Variants in SYN3 observed in about 807,000 individuals in gnomAD.
SYN3 encodes the protein synapsin-3.
Under a neutral mutation model 65.8 loss-of-function variants are expected in SYN3, and 35 were observed. The observed-to-expected ratio is 0.53, with a 90% CI of 0.41 to 0.70. The LOEUF is 0.70. Among genes scored for constraint, SYN3 ranks in the 30% least tolerant of loss-of-function variants. The probability of loss-of-function intolerance (pLI) is 0.00; values close to 1 mark genes in which losing one functional copy is unlikely to be tolerated. For synonymous variants in SYN3, 270 were observed against 292.9 expected (o/e 0.92, Z 0.80); for missense variants, 680 against 749.0 (o/e 0.91, Z 1.08).
At chr22:32,667,647 A>T (rs954738071) in intron 6 of SYN3, among the ~76,000 whole-genome samples, 1 of 152,138 alleles carries the variant, frequency 6.6e-6, no homozygotes, top group Non-Finnish European at 1.5e-5. Flanking sequence ...ATACTTTAGT[A>T]TGTGTTCATT....
At chr22:32,846,279 T>C (rs1015213247) in intron 6 of SYN3, among the ~76,000 whole-genome samples, 23 of 152,206 alleles carry the variant, frequency 1.5e-4, no homozygotes, top group African/African-American at 5.1e-4. Context: ...ATACTTGTTC[T>C]GACTACTTCA....
intron 6 of SYN3, among the ~76,000 whole-genome samples, chr22:32,740,990 G>T (rs909608034): frequency 1.3e-5 from 2 of 152,158 alleles, no homozygotes; most frequent in Non-Finnish European, 2.9e-5. Flanking sequence ...GAAGGTTTGA[G>T]GCACAGTAGG....
At chr22:32,569,659 C>A (rs192027151) in intron 7 of SYN3, among the ~76,000 whole-genome samples, 1 of 151,652 alleles carries the variant, frequency 6.6e-6, no homozygotes, top group African/African-American at 2.4e-5. Flanking sequence ...ACGAAATACT[C>A]CACAAATGGA....
intron 4 of SYN3, among the ~76,000 whole-genome samples, chr22:32,899,497 C>G (rs185748473): frequency 5.9e-5 from 9 of 152,186 alleles, no homozygotes; most frequent in African/African-American, 1.9e-4. Flanking sequence ...AAAGAAGGAG[C>G]GTGTGTGCAG....
At chr22:33,034,806 C>G (rs958945124) in intron 1 of SYN3, among the ~76,000 whole-genome samples, 1 of 152,176 alleles carries the variant, frequency 6.6e-6, no homozygotes, top group East Asian at 1.9e-4. Flanking sequence ...AGAGGCAAAT[C>G]TTGCCTTTGG....
chr22:32,752,695 C>A (rs1196230303), intron 6 of SYN3, among the ~76,000 whole-genome samples: 2 of 152,172 alleles, frequency 1.3e-5, no homozygotes, highest in Non-Finnish European at 2.9e-5. Context: ...GCAAGCAGCC[C>A]CTGCTCTCGG....
At chr22:32,942,793 C>T (rs558790801) in intron 3 of SYN3, among the ~76,000 whole-genome samples, 10 of 151,992 alleles carry the variant, frequency 6.6e-5, no homozygotes, top group East Asian at 1.9e-4. Flanking sequence ...AACTACGTGA[C>T]GAATGCACTA....
chr22:32,605,588 T>A (rs2059361251), intron 6 of SYN3, among the ~76,000 whole-genome samples: 1 of 152,122 alleles, frequency 6.6e-6, no homozygotes, highest in South Asian at 2.1e-4. Context: ...TACATGGAAA[T>A]AAAGGCAAAG....
At position 32,793,604 on chromosome 22, in the gene SYN3, C is replaced by T. The variant is rs529235395; in HGVS notation, c.711+71311G>A. On this transcript the variant is annotated intron_variant, in intron 6 of 13. Coordinates refer to ENST00000358763, the MANE Select transcript of SYN3 (RefSeq NM_003490.4). ...TCAGGGCCTAGCATGGAGTAACAGA[C>T]ATTCTGCCAATGTTTGGTGAATATT... is the stretch of plus-strand genomic sequence containing the variant. 4.6e-5 allele frequency among the ~76,000 whole-genome samples: 7 copies of T among 152,282 alleles called. No homozygotes were observed. The East Asian group carries it at 1.4e-3, about 29-fold the overall frequency.
intron 1 of SYN3, among the ~76,000 whole-genome samples, chr22:33,017,111 A>C (rs133956): frequency 0.71 from 107,391 of 152,062 alleles, 38,585 homozygotes; most frequent in African/African-American, 0.79. Flanking sequence ...GTCCAACTTC[A>C]CTCCTCTGCC....
intron 6 of SYN3, among the ~76,000 whole-genome samples, chr22:32,682,046 G>C (rs1427468808): frequency 1.3e-5 from 2 of 152,180 alleles, no homozygotes; most frequent in African/African-American, 4.8e-5. Context: ...TGAAGTGAGG[G>C]AGGAGAGGGC....
intron 7 of SYN3, among the ~76,000 whole-genome samples, chr22:32,586,108 G>GTA (rs1389798252): frequency 2.7e-5 from 4 of 148,706 alleles, no homozygotes; most frequent in Non-Finnish European, 4.4e-5. Flanking sequence ...ATGTATACAT[G>GTA]TATATGTATA....
At chr22:32,715,886 G>A (rs2061032512) in intron 6 of SYN3, among the ~76,000 whole-genome samples, 1 of 152,058 alleles carries the variant, frequency 6.6e-6, no homozygotes, top group Non-Finnish European at 1.5e-5. Context: ...CAAAGTGATT[G>A]GTGAACAACA....
intron 1 of SYN3, among the ~76,000 whole-genome samples, chr22:33,028,907 G>T (rs2053697171): frequency 6.6e-6 from 1 of 152,090 alleles, no homozygotes; most frequent in Admixed American, 6.6e-5. Flanking sequence ...GGGCGTGGTG[G>T]CGGGCGCCTG....
At chr22:32,806,410 C>T (rs1382073698) in intron 6 of SYN3, among the ~76,000 whole-genome samples, 1 of 152,168 alleles carries the variant, frequency 6.6e-6, no homozygotes, top group African/African-American at 2.4e-5. Flanking sequence ...AAAACAAAAA[C>T]AACAACACGA....
intron 4 of SYN3, among the ~76,000 whole-genome samples, chr22:32,881,818 G>T (rs562519898): frequency 6.6e-6 from 1 of 152,276 alleles, no homozygotes; most frequent in East Asian, 1.9e-4. Flanking sequence ...CATTTTGGGA[G>T]GCCGAGTAGG....
At chr22:32,687,046 C>A (rs1344373037) in intron 6 of SYN3, among the ~76,000 whole-genome samples, 1 of 152,208 alleles carries the variant, frequency 6.6e-6, no homozygotes, top group African/African-American at 2.4e-5. Context: ...CCTCCTATAG[C>A]TTTCTCCATC....
intron 7 of SYN3, among the ~76,000 whole-genome samples, chr22:32,580,837 A>G (rs971849713): frequency 2.0e-5 from 3 of 152,172 alleles, no homozygotes; most frequent in Admixed American, 6.5e-5. Flanking sequence ...CTCTGTGCAG[A>G]AAACTTTGAT....
intron 3 of SYN3, among the ~76,000 whole-genome samples, chr22:32,936,035 T>C (rs2050766355): frequency 6.6e-6 from 1 of 152,246 alleles, no homozygotes; most frequent in South Asian, 2.1e-4. Context: ...AATATTCCAT[T>C]GTCTTAGTAA....
Sources: allele counts gnomAD v4.1 joint callset (sites outside exome capture counted in the v4.1 genomes callset), GRCh38; gene constraint gnomAD v4.1.1; transcripts MANE v1.5; gene names NCBI Gene and HGNC (gene_info 2026-07-23, HGNC 2026-07-21).